Variants in EXT2 observed in about 807,000 individuals in gnomAD.
The protein encoded by EXT2 is exostosin glycosyltransferase 2, also known as exostosin-2.
In EXT2, 53 loss-of-function variants were observed where a neutral mutation model predicts 81.6. That is an observed-to-expected ratio of 0.65 (90% CI 0.52 to 0.82). The LOEUF (loss-of-function observed/expected upper bound fraction) is 0.82. Ranked by LOEUF, EXT2 falls within the 40% of genes least tolerant of loss-of-function variation. The pLI is 0.00. For missense variants in EXT2, 774 were observed against 910.2 expected (o/e 0.85, Z 1.93); for synonymous variants, 320 against 340.0 (o/e 0.94, Z 0.65).
intron 12 of EXT2, among the ~76,000 whole-genome samples, chr11:44,234,493 G>C (rs765287864): frequency 5.9e-4 from 89 of 152,000 alleles, no homozygotes; most frequent in Non-Finnish European, 1.2e-3. Context: ...CAGAATAAAG[G>C]CTATGATGAT....
At chr11:44,152,090 G>A (rs745574018) in intron 7 of EXT2, among the ~76,000 whole-genome samples, 19 of 152,014 alleles carry the variant, frequency 1.2e-4, no homozygotes, top group Non-Finnish European at 2.2e-4. Context: ...AGAGTTTTAC[G>A]AGTATTTTGT....
chr11:44,240,831 A>G (rs1956028351), intron 13 of EXT2, among the ~76,000 whole-genome samples: 1 of 152,176 alleles, frequency 6.6e-6, no homozygotes, highest in Non-Finnish European at 1.5e-5. Context: ...AGATAAAGAG[A>G]TGATGTTACA....
chr11:44,236,488 T>G (rs1955966795), intron 13 of EXT2, 113 bp downstream of exon 13: 1 of 948,036 alleles, frequency 1.1e-6, no homozygotes, highest in African/African-American at 1.6e-5. Flanking sequence ...GTAGCCATAG[T>G]CACCTCCATG....
chr11:44,135,277 A>T (rs1187262957), intron 7 of EXT2, among the ~76,000 whole-genome samples: 2 of 152,232 alleles, frequency 1.3e-5, no homozygotes, highest in Non-Finnish European at 2.9e-5. Context: ...TTTGGTTTCC[A>T]TAGCCGTAGT....
At chr11:44,178,199 A>T (rs1955184924) in intron 8 of EXT2, among the ~76,000 whole-genome samples, 1 of 152,230 alleles carries the variant, frequency 6.6e-6, no homozygotes, top group Non-Finnish European at 1.5e-5. Flanking sequence ...AGGCATCAGA[A>T]TACAGAGTGC....
intron 1 of EXT2, among the ~76,000 whole-genome samples, chr11:44,107,249 A>G (rs979710743): frequency 2.0e-5 from 3 of 152,252 alleles, no homozygotes; most frequent in African/African-American, 7.2e-5. Flanking sequence ...AGAAGTGTCC[A>G]AAGTCCCTTT....
At chr11:44,166,379 G>A (rs1480539779) in intron 7 of EXT2, among the ~76,000 whole-genome samples, 1 of 152,210 alleles carries the variant, frequency 6.6e-6, no homozygotes, top group African/African-American at 2.4e-5. Context: ...GATTGAGATT[G>A]TAGTGAATAG....
chr11:44,157,594 C>T (rs1360525484), intron 7 of EXT2, among the ~76,000 whole-genome samples: 2 of 152,192 alleles, frequency 1.3e-5, no homozygotes, highest in Non-Finnish European at 2.9e-5. Context: ...GTGGTGAATG[C>T]TCTCAGGCCT....
At chr11:44,110,722 C>T (rs151078180) in intron 3 of EXT2, among the ~76,000 whole-genome samples, 3 of 152,154 alleles carry the variant, frequency 2.0e-5, no homozygotes, top group East Asian at 1.9e-4. Context: ...ATGTTAAATG[C>T]GATTTCATTT....
chr11:44,133,703 G>T lies in EXT2; in HGVS notation c.1173+3565G>T, dbSNP rs572325548. The stretch of plus-strand genomic sequence containing the variant: ...GATGAAGAAGAAGAAAGAAAATCCT[G>T]CTTAGCACAGGATTTTACTCTCCCT... On this transcript the variant is annotated intron_variant, in intron 7 of 13. Transcript: ENST00000533608. Among the ~76,000 whole-genome samples the T allele has an allele frequency of 7.2e-5, 11 of 152,234 alleles. No individual in the cohort carries two copies. The South Asian group carries it at 8.3e-4, about 12-fold the overall frequency.
intron 7 of EXT2, among the ~76,000 whole-genome samples, chr11:44,158,644 T>C (rs1320056140): frequency 6.6e-6 from 1 of 151,364 alleles, no homozygotes; most frequent in Non-Finnish European, 1.5e-5. Context: ...TTAATTTTAA[T>C]AAAAAGAAAG....
chr11:44,155,876 T>C (rs1381974162), intron 7 of EXT2, among the ~76,000 whole-genome samples: 1 of 152,212 alleles, frequency 6.6e-6, no homozygotes, highest in East Asian at 1.9e-4. Flanking sequence ...TAACATCCTT[T>C]TCTTTCGGAT....
intron 8 of EXT2, among the ~76,000 whole-genome samples, chr11:44,173,735 A>C (rs949239338): frequency 6.6e-6 from 1 of 151,364 alleles, no homozygotes; most frequent in African/African-American, 2.4e-5. Context: ...CGTCCGGCTA[A>C]TTTTTTGTGT....
intron 11 of EXT2, among the ~76,000 whole-genome samples, chr11:44,233,017 A>G (rs912712936): frequency 6.6e-6 from 1 of 152,182 alleles, no homozygotes; most frequent in Admixed American, 6.5e-5. Flanking sequence ...AATGTTAGTG[A>G]TAGATGTCCA....
chr11:44,098,125 A>G (rs1342585924), intron 1 of EXT2, among the ~76,000 whole-genome samples: 1 of 152,022 alleles, frequency 6.6e-6, no homozygotes, highest in African/African-American at 2.4e-5. Context: ...CTTCATTAGT[A>G]GAAGATTCCT....
chr11:44,201,793 T>C (rs1376582518), intron 9 of EXT2, among the ~76,000 whole-genome samples: 1 of 152,188 alleles, frequency 6.6e-6, no homozygotes, highest in Non-Finnish European at 1.5e-5. Context: ...CTTCTACTGC[T>C]CCAGTCCTAA....
At chr11:44,189,615 A>G (rs1955365059) in intron 8 of EXT2, among the ~76,000 whole-genome samples, 1 of 152,084 alleles carries the variant, frequency 6.6e-6, no homozygotes, top group Non-Finnish European at 1.5e-5. Context: ...TCTTGGGAGA[A>G]CTCACTCACT....
chr11:44,197,225 T>C (rs1955465579), intron 8 of EXT2, among the ~76,000 whole-genome samples: 1 of 151,838 alleles, frequency 6.6e-6, no homozygotes, highest in Non-Finnish European at 1.5e-5. Context: ...TTTGTGAATC[T>C]GGGCCTCTAA....
chr11:44,116,291 T>C (rs1954220138), intron 4 of EXT2: 1 of 152,248 alleles, frequency 6.6e-6, no homozygotes, highest in African/African-American at 2.4e-5. Context: ...TGTACCTGTC[T>C]TCTTTCACTT....
Sources: gnomAD v4.1 joint callset for allele counts (sites outside exome capture counted in the v4.1 genomes callset) on GRCh38, gnomAD v4.1.1 for gene constraint, MANE v1.5 for transcripts, NCBI Gene and HGNC (gene_info 2026-07-23, HGNC 2026-07-21) for gene names.